ABHD2: variants seen among roughly 807,000 people sequenced by gnomAD.
ABHD2 encodes abhydrolase domain containing 2, acylglycerol lipase, also known as monoacylglycerol lipase ABHD2.
Under a neutral mutation model 48.1 loss-of-function variants are expected in ABHD2, and 20 were observed. The ratio of observed to expected loss-of-function variants is 0.42; its 90% CI spans 0.29 to 0.60. The LOEUF is 0.60. ABHD2 is among the 20% of genes least tolerant of loss of function. The pLI, the probability that ABHD2 is intolerant of heterozygous loss-of-function variation, is 0.24. For synonymous variants in ABHD2, 209 were observed against 214.2 expected (o/e 0.98, Z 0.21); for missense variants, 405 against 550.9 (o/e 0.74, Z 2.65).
rs929413653 is a variant in ABHD2 at position 89,185,913 on chromosome 15, G to A, written c.815+397G>A. Among the ~76,000 whole-genome samples, 2 of 152,202 alleles carry A rather than the reference G, an allele frequency of 1.3e-5. No homozygotes were observed. The highest frequency in any genetic ancestry group is 1.3e-4 in the Admixed American group (2 of 15,280). On this transcript the variant is annotated intron_variant, in intron 7 of 10. Transcript: ENST00000352732. This position sits in a 1 kb window ranked among gnomAD's most constrained non-coding sequence, Gnocchi z 5.9. ...ACCCAGGAGGCGGAGGCTGCAGCGA[G>A]CCAAGATTGCGCCAATGCACCCCAG...
At chr15:89,140,904 C>T (rs1188588124) in intron 3 of ABHD2, among the ~76,000 whole-genome samples, 1 of 152,164 alleles carries the variant, frequency 6.6e-6, no homozygotes. Flanking sequence ...GCTCCCTTTG[C>T]CCAGAGACAG....
Position 89,139,041 on chromosome 15 carries a change from C to A in ABHD2, c.195-12636C>A, listed in dbSNP as rs974380620. On this transcript the variant is annotated intron_variant, in intron 3 of 10. Transcript: ENST00000352732. ...GACCAGCCCTGGCGACATAGCAAGA[C>A]CCTGTCTCTACAAAAAAAAATTAAC... 4.0e-5 allele frequency among the ~76,000 whole-genome samples: 6 copies of A among 151,724 alleles called. No homozygotes were observed. In the East Asian group the frequency reaches 1.2e-3, roughly 29 times the overall value.
At chr15:89,060,614 C>G in the ABHD2 span, among the ~76,000 whole-genome samples, 1 of 151,944 alleles carries the variant, frequency 6.6e-6, no homozygotes, top group Non-Finnish European at 1.5e-5. Flanking sequence ...AAGCCTAGCA[C>G]TTAAGACTAA....
the ABHD2 span, among the ~76,000 whole-genome samples, chr15:89,055,029 C>T: frequency 1.3e-5 from 2 of 151,874 alleles, no homozygotes; most frequent in African/African-American, 4.8e-5. Flanking sequence ...AGTCCAAGAC[C>T]AGCCTCGGCA....
chr15:89,134,115 G>A (rs1049370855), intron 3 of ABHD2, among the ~76,000 whole-genome samples: 4 of 152,132 alleles, frequency 2.6e-5, no homozygotes, highest in East Asian at 1.9e-4. Flanking sequence ...TGGGATTACA[G>A]GCGTGAGCCA....
Position 89,151,579 on chromosome 15 carries a change from C to A in ABHD2, c.195-98C>A. The A allele has an allele frequency of 8.7e-6, 12 of 1,386,186 alleles. No individual in the cohort carries two copies. Among genetic ancestry groups the A allele is most frequent in the Non-Finnish European group, 1.1e-5 (11 of 1,014,542 alleles). The allele number at this position is 1,386,186 out of a possible 1,614,324, so 85.9% of individuals were successfully genotyped here. A position where few individuals can be genotyped will look rare whatever the true frequency, so the allele number is the denominator to read the frequency against. On this transcript the variant is annotated intron_variant, in intron 3 of 10. Transcript: ENST00000352732. This position sits in a 1 kb window ranked among gnomAD's most constrained non-coding sequence, Gnocchi z 4.7. Reference sequence around the variant, plus strand: ...TTTATGCTTTGTGTGCAGAATTTCCCTGGAACAAAAATAGGTTGAAAGAGT... The same window carrying A: ...TTTATGCTTTGTGTGCAGAATTTCCATGGAACAAAAATAGGTTGAAAGAGT...
At chr15:89,115,368 GTA>G (rs1567073402) in intron 2 of ABHD2, among the ~76,000 whole-genome samples, 6 of 38,150 alleles carry the variant, frequency 1.6e-4, no homozygotes, top group Admixed American at 4.7e-4. Flanking sequence ...ATGTTTGGAG[GTA>G]TGTGTGTGTG....
Position 89,195,749 on chromosome 15 carries a change from C to T in ABHD2, c.*326C>T, listed in dbSNP as rs534246379. On this transcript the variant is annotated 3_prime_UTR_variant, in exon 11 of 11. Coordinates refer to ENST00000352732, the MANE Select transcript of ABHD2 (RefSeq NM_152924.5). This position sits in a 1 kb window ranked among gnomAD's most constrained non-coding sequence, Gnocchi z 5.1. The stretch of plus-strand genomic sequence containing the variant: ...CCCTATTAAAAATGTGTCTGAATAG[C>T]GATTTTGCTTTGCCACCAAAAGGCT... 4 of 255,816 alleles carry T rather than the reference C, an allele frequency of 1.6e-5. No homozygotes were observed. The East Asian group carries it at 3.9e-4, about 25-fold the overall frequency. 15.8% of individuals were successfully genotyped at this position (255,816 alleles called of 1,614,324 possible).
intron 1 of ABHD2, among the ~76,000 whole-genome samples, chr15:89,107,246 A>G (rs952257361): frequency 2.0e-5 from 3 of 152,212 alleles, no homozygotes; most frequent in African/African-American, 4.8e-5. Context: ...TTTATGGGAC[A>G]TGATGATCAC....
chr15:89,066,803 C>T, the ABHD2 span, among the ~76,000 whole-genome samples: 4 of 152,302 alleles, frequency 2.6e-5, no homozygotes, highest in East Asian at 7.7e-4. Flanking sequence ...GAGGCCAAGT[C>T]AAGCTGTAGT....
chr15:89,132,789 C>T (rs2050240908), intron 3 of ABHD2, among the ~76,000 whole-genome samples: 1 of 152,180 alleles, frequency 6.6e-6, no homozygotes, highest in Non-Finnish European at 1.5e-5. Flanking sequence ...CTAGAACATG[C>T]TTATCTGCAT....
chr15:89,112,800 AGAG>A (rs552572529), intron 1 of ABHD2, among the ~76,000 whole-genome samples: 254 of 152,292 alleles, frequency 1.7e-3, no homozygotes, highest in African/African-American at 5.7e-3. Flanking sequence ...ATGGTGATTA[AGAG>A]GAGGATCTCT....
At chr15:89,043,019 A>C in the ABHD2 span, among the ~76,000 whole-genome samples, 3 of 152,010 alleles carry the variant, frequency 2.0e-5, no homozygotes, top group Non-Finnish European at 2.9e-5. Flanking sequence ...CCACTAGTAC[A>C]TATTCCACGG....
intron 3 of ABHD2, among the ~76,000 whole-genome samples, chr15:89,134,568 C>T (rs2050272825): frequency 6.6e-6 from 1 of 152,170 alleles, no homozygotes; most frequent in Non-Finnish European, 1.5e-5. Context: ...GCTCATACCC[C>T]AGCACTGCTT....
the ABHD2 span, among the ~76,000 whole-genome samples, chr15:89,045,308 C>A: frequency 2.0e-4 from 31 of 152,068 alleles, no homozygotes; most frequent in Middle Eastern, 3.4e-3. Flanking sequence ...GTTACTGTAG[C>A]CTTGTAGTAT....
At position 89,179,302 on chromosome 15, in the gene ABHD2, G is replaced by A. The variant is rs887786106; in HGVS notation, c.722+3307G>A. Among the ~76,000 whole-genome samples, 9 of 152,208 alleles carry A rather than the reference G, an allele frequency of 5.9e-5. No homozygotes were observed. The highest frequency in any genetic ancestry group is 1.7e-4 in the African/African-American group (7 of 41,446). On this transcript the variant is annotated intron_variant, in intron 6 of 10. Coordinates refer to ENST00000352732, the MANE Select transcript of ABHD2 (RefSeq NM_152924.5). The surrounding 1 kb of genome is among the most constrained non-coding windows in gnomAD (Gnocchi z 4.3). ...TGGGCAGGTCACAGTGGGCAAAGCA[G>A]TAGGGAAGCAGTGGGTGAACCTTCA...
intron 1 of ABHD2, among the ~76,000 whole-genome samples, chr15:89,099,214 A>C (rs2049661465): frequency 1.3e-5 from 2 of 152,240 alleles, no homozygotes; most frequent in African/African-American, 4.8e-5. Flanking sequence ...TAAATGAGGT[A>C]ATGTATTAAA....
chr15:89,107,073 G>A (rs2150797069), intron 1 of ABHD2, among the ~76,000 whole-genome samples: 1 of 152,200 alleles, frequency 6.6e-6, no homozygotes, highest in Non-Finnish European at 1.5e-5. Flanking sequence ...ATCCAGGCTA[G>A]GCAAGAGGGG....
chr15:89,192,075 T>A (rs954973630), intron 9 of ABHD2, among the ~76,000 whole-genome samples: 1 of 152,248 alleles, frequency 6.6e-6, no homozygotes, highest in South Asian at 2.1e-4. Flanking sequence ...TCTCATTCTG[T>A]CTTTGCACAA....
Sources: gnomAD v4.1 joint callset for allele counts (sites outside exome capture counted in the v4.1 genomes callset) on GRCh38, gnomAD v4.1.1 for gene constraint, Gnocchi (gnomAD v3.1) non-coding constraint, MANE v1.5 for transcripts, NCBI Gene and HGNC (gene_info 2026-07-23, HGNC 2026-07-21) for gene names.